Variants in ARFGEF1 observed in about 807,000 individuals in gnomAD.
The protein encoded by ARFGEF1 is brefeldin A-inhibited guanine nucleotide-exchange protein 1.
Under a neutral mutation model 231.0 loss-of-function variants are expected in ARFGEF1, and 42 were observed. The observed-to-expected ratio is 0.18, with a 90% CI of 0.14 to 0.24. The LOEUF (loss-of-function observed/expected upper bound fraction) is 0.24. ARFGEF1 is among the 10% of genes least tolerant of loss of function. The pLI is 1.00. For synonymous variants in ARFGEF1, 710 were observed against 732.3 expected, an observed-to-expected ratio of 0.97 and a Z score of 0.49; for missense variants, 1,345 against 2,192.0, an observed-to-expected ratio of 0.61 and a Z score of 7.72.
At chr8:67,179,842 A>G (rs1011544870) in intron 5 of ARFGEF1, 1 of 1,545,942 alleles carries the variant, frequency 6.5e-7, no homozygotes, top group Non-Finnish European at 8.9e-7. Flanking sequence ...AAAAATAGTC[A>G]TTGAAACATG....
chr8:67,240,125 G>C (rs1424398867), intron 20 of ARFGEF1, 37 bp downstream of exon 20: 1 of 1,599,530 alleles, frequency 6.3e-7, no homozygotes. Flanking sequence ...GGTAATTAAT[G>C]TTCCAAACTG....
At chr8:67,260,072 A>G (rs1045811148) in intron 14 of ARFGEF1, 146 bp from the exon 15 acceptor site, 7 of 421,872 alleles carry the variant, frequency 1.7e-5, no homozygotes, top group Non-Finnish European at 2.9e-5. Context: ...CAAAATAATT[A>G]CATTGTGCCA....
chr8:67,195,532 A>G (rs1026132903), downstream of ARFGEF1: 1 of 1,614,232 alleles, frequency 6.2e-7, no homozygotes, highest in Non-Finnish European at 8.5e-7. Context: ...CAGGAGCAGC[A>G]GCAGATTCCT....
chr8:67,201,364 G>A, intron 37 of ARFGEF1, 103 bp downstream of exon 37: 1 of 1,393,828 alleles, frequency 7.2e-7, no homozygotes, highest in Non-Finnish European at 9.6e-7. Context: ...GGGGCATCCA[G>A]GCCCCAAAGC....
intron 34 of ARFGEF1, among the ~76,000 whole-genome samples, chr8:67,210,974 A>T (rs1408468092): frequency 6.6e-6 from 1 of 150,704 alleles, no homozygotes; most frequent in Admixed American, 6.6e-5. Flanking sequence ...AATCATTTGA[A>T]CCTGGGAGGT....
intron 5 of ARFGEF1, 58 bp downstream of exon 5, chr8:67,296,373 T>C (rs1480718537): frequency 6.7e-7 from 1 of 1,491,726 alleles, no homozygotes; most frequent in Non-Finnish European, 9.1e-7. Flanking sequence ...TGTAAACTCC[T>C]TTCTATGTTT....
chr8:67,216,174 A>G (rs78797098), intron 33 of ARFGEF1, among the ~76,000 whole-genome samples: 3,377 of 152,324 alleles, frequency 0.022, 82 homozygotes, highest in South Asian at 0.047. Flanking sequence ...AACGCATTGC[A>G]ATGATATGAA....
Position 67,342,311 on chromosome 8 carries a change from G to C in ARFGEF1, c.124+853C>G, listed in dbSNP as rs981738098. The stretch of plus-strand genomic sequence containing the variant: ...CCTAACCTCATAGGTAGGAGGTATT[G>C]TTTGGATTTTCCCTGCTGCGGGCTT... On this transcript the variant is annotated intron_variant, in intron 1 of 38. Transcript: ENST00000262215. 7.2e-5 allele frequency among the ~76,000 whole-genome samples: 11 copies of C among 152,136 alleles called. No homozygotes were observed. The East Asian group carries it at 1.9e-3, about 27-fold the overall frequency.
chr8:67,317,876 G>T (rs1260880164), intron 1 of ARFGEF1, among the ~76,000 whole-genome samples: 1 of 147,294 alleles, frequency 6.8e-6, no homozygotes, highest in East Asian at 2.0e-4. Context: ...TCCAGCCTGG[G>T]TGACAGAGCA....
At chr8:67,235,085 TG>T (rs1181687568) in intron 22 of ARFGEF1, among the ~76,000 whole-genome samples, 2 of 141,280 alleles carry the variant, frequency 1.4e-5, no homozygotes, top group Non-Finnish European at 3.1e-5. Flanking sequence ...TATATATATA[TG>T]TGTGTGTGTG....
intron 1 of ARFGEF1, among the ~76,000 whole-genome samples, chr8:67,308,619 A>G (rs956376053): frequency 6.6e-6 from 1 of 152,116 alleles, no homozygotes; most frequent in Non-Finnish European, 1.5e-5. Flanking sequence ...CCTCTTGCCC[A>G]TTTGCCATTC....
chr8:67,276,225 G>T (rs887659048), intron 8 of ARFGEF1, 116 bp from the exon 9 acceptor site: 1 of 1,157,554 alleles, frequency 8.6e-7, no homozygotes, highest in Non-Finnish European at 1.2e-6. Flanking sequence ...CCCACTGTTG[G>T]AAGGGGAACC....
chr8:67,294,154 G>A (rs888275036), intron 5 of ARFGEF1, among the ~76,000 whole-genome samples: 2 of 152,064 alleles, frequency 1.3e-5, no homozygotes, highest in Admixed American at 6.6e-5. Context: ...ATGTAGAGAT[G>A]ATTTAAAGTA....
At chr8:67,175,238 C>T (rs1831324471), downstream of ARFGEF1, 1 of 1,370,596 alleles carries the variant, frequency 7.3e-7, no homozygotes, top group Non-Finnish European at 1.0e-6. Context: ...TGAAGTTTTA[C>T]AAAATCCCAT....
intron 15 of ARFGEF1, 54 bp from the exon 16 acceptor site, chr8:67,258,344 G>C: frequency 9.3e-7 from 1 of 1,075,832 alleles, no homozygotes; most frequent in Non-Finnish European, 1.3e-6. Flanking sequence ...TTTTTTTTTT[G>C]AGACAGAGTC....
At chr8:67,192,627 A>C (rs1836690222) in intron 5 of ARFGEF1, among the ~76,000 whole-genome samples, 1 of 152,072 alleles carries the variant, frequency 6.6e-6, no homozygotes, top group African/African-American at 2.4e-5. Context: ...ATGAAGATTT[A>C]CTTGTTTTCT....
chr8:67,199,035 G>T lies in ARFGEF1; in HGVS notation c.5449C>A (p.Pro1817Thr). Residue 1817 changes from proline (P) to threonine (T), a missense_variant, in exon 39 of 39, where the codon CCT becomes ACT. Pro to Thr is a conservative substitution (Grantham distance 38, BLOSUM62 -1). Around this residue, in one of 14 missense-constraint regions of ARFGEF1, gnomAD observed 161 missense variants for 284.9 expected, o/e 0.57. Transcript: ENST00000262215. ...CTTCTAAGAACAGCACGAAGTTCAG[G>T]AATCAAGTCAAATTGCATAATTTCA... ...LCEIMQFDLIPELRAVLRRFF... is the reference protein window; with the variant it reads ...LCEIMQFDLITELRAVLRRFF... 2 of 1,610,966 alleles carry T rather than the reference G, an allele frequency of 1.2e-6. No homozygotes were observed. Among genetic ancestry groups the T allele is most frequent in the Non-Finnish European group, 1.7e-6 (2 of 1,179,324 alleles).
intron 30 of ARFGEF1, among the ~76,000 whole-genome samples, chr8:67,219,186 C>A (rs1353009405): frequency 6.6e-6 from 1 of 152,124 alleles, no homozygotes; most frequent in East Asian, 1.9e-4. Context: ...AGGCTGGTCT[C>A]AAACCCCTGA....
chr8:67,245,227 G>GAGT, intron 19 of ARFGEF1, among the ~76,000 whole-genome samples: 1 of 150,634 alleles, frequency 6.6e-6, no homozygotes. Context: ...ATGCTAAAGG[G>GAGT]AGTACTTCAA....
Sources: gnomAD v4.1 joint callset for allele counts (sites outside exome capture counted in the v4.1 genomes callset) on GRCh38, gnomAD v4.1.1 for gene constraint, gnomAD v4.1.1 regional missense constraint, MANE v1.5 for transcripts, NCBI Gene and HGNC (gene_info 2026-07-23, HGNC 2026-07-21) for gene names.